GOLGA4: variants seen among roughly 807,000 people sequenced by gnomAD.
The protein encoded by GOLGA4 is golgin subfamily A member 4.
Under a neutral mutation model 265.9 loss-of-function variants are expected in GOLGA4, and 169 were observed. The observed-to-expected ratio is 0.64, with a 90% confidence interval of 0.56 to 0.72. The LOEUF is 0.72. Among genes scored for constraint, GOLGA4 ranks in the 30% least tolerant of loss-of-function variants. The probability of loss-of-function intolerance (pLI) is 0.00; values close to 1 mark genes in which losing one functional copy is unlikely to be tolerated. For synonymous variants in GOLGA4, 923 were observed against 855.8 expected, an observed-to-expected ratio of 1.08 and a Z score of -1.37; for missense variants, 2,482 against 2,483.4, an observed-to-expected ratio of 1.00 and a Z score of 0.01.
intron 11 of GOLGA4, among the ~76,000 whole-genome samples, chr3:37,318,808 C>T (rs2096945452): frequency 6.6e-6 from 1 of 151,748 alleles, no homozygotes; most frequent in Non-Finnish European, 1.5e-5. Context: ...AACATCCCTG[C>T]AAGATGTGGA....
intron 9 of GOLGA4, 47 bp downstream of exon 9, chr3:37,299,418 A>T (rs932735288): frequency 8.7e-7 from 1 of 1,148,224 alleles, no homozygotes; most frequent in East Asian, 2.4e-5. Flanking sequence ...AGAGGCCCCA[A>T]CATTTACTTT....
chr3:37,307,583 A>G (rs764842076), intron 10 of GOLGA4, among the ~76,000 whole-genome samples: 37 of 151,888 alleles, frequency 2.4e-4, no homozygotes, highest in Admixed American at 4.6e-4. Flanking sequence ...TTTTCTTATC[A>G]TGGGTACTTA....
Position 37,337,696 on chromosome 3 carries a change from A to G in GOLGA4, c.6358A>G (p.Ser2120Gly), listed in dbSNP as rs769548341. ...TQLAQKTTLISDSKLKEQEFR... is the reference protein window; with the variant it reads ...TQLAQKTTLIGDSKLKEQEFR... ...GCTAGCACAGAAGACGACTTTAATC[A>G]GTGATTCGAAATTGAAAGAGCAAGA... The change falls in exon 19 of 24, where the codon AGT becomes GGT. Residue 2120 changes from serine (S) to glycine (G), a missense_variant. Coordinates refer to ENST00000361924, the MANE Select transcript of GOLGA4 (RefSeq NM_002078.5). The G allele has an allele frequency of 1.9e-6, 3 of 1,611,908 alleles. No individual in the cohort carries two copies. In the African/African-American group the frequency reaches 4.0e-5, roughly 22 times the overall value.
chr3:37,337,117 CAT>C (rs770619507), intron 17 of GOLGA4, 24 bp from the exon 18 acceptor site: 11 of 1,335,724 alleles, frequency 8.2e-6, no homozygotes, highest in Non-Finnish European at 1.1e-5. Flanking sequence ...TGTATACACT[CAT>C]GTTTTTTCTT....
At chr3:37,343,026 A>G (rs1364640311) in intron 20 of GOLGA4, among the ~76,000 whole-genome samples, 2 of 152,106 alleles carry the variant, frequency 1.3e-5, no homozygotes, top group Admixed American at 6.5e-5. Flanking sequence ...CAGTTTCCCA[A>G]CTAGCTGGGA....
chr3:37,321,501 T>A, intron 12 of GOLGA4: 1 of 406,380 alleles, frequency 2.5e-6, no homozygotes, highest in Non-Finnish European at 4.4e-6. Flanking sequence ...CATAGTGGGG[T>A]TATTGGAACA....
intron 23 of GOLGA4, among the ~76,000 whole-genome samples, chr3:37,362,239 TA>T (rs1212403724): frequency 1.9e-4 from 25 of 129,910 alleles, no homozygotes; most frequent in African/African-American, 6.2e-4. Flanking sequence ...ATTTATTTAT[TA>T]TTTTTTTTTT....
intron 2 of GOLGA4, among the ~76,000 whole-genome samples, chr3:37,252,647 T>C (rs1184211543): frequency 6.6e-6 from 1 of 152,068 alleles, no homozygotes; most frequent in Non-Finnish European, 1.5e-5. Flanking sequence ...TGTGTAAATA[T>C]GCTGGAAAAC....
chr3:37,351,957 T>A (rs2097075988), intron 21 of GOLGA4, among the ~76,000 whole-genome samples: 1 of 152,098 alleles, frequency 6.6e-6, no homozygotes, highest in African/African-American at 2.4e-5. Context: ...AGCCTATGTA[T>A]TAAAGCTTTG....
At chr3:37,263,773 CT>C (rs1474925943) in intron 2 of GOLGA4, among the ~76,000 whole-genome samples, 1 of 152,180 alleles carries the variant, frequency 6.6e-6, no homozygotes, top group Admixed American at 6.5e-5. Context: ...TTCAAATAGT[CT>C]TCATGAATGT....
At chr3:37,307,054 G>A (rs1443077569) in intron 10 of GOLGA4, among the ~76,000 whole-genome samples, 2 of 152,076 alleles carry the variant, frequency 1.3e-5, no homozygotes, top group African/African-American at 4.8e-5. Flanking sequence ...CTACAATTAT[G>A]CAACATGAAT....
chr3:37,260,541 C>T (rs917694215), intron 2 of GOLGA4, among the ~76,000 whole-genome samples: 1 of 151,512 alleles, frequency 6.6e-6, no homozygotes, highest in South Asian at 2.1e-4. Context: ...GAGGCTGAGG[C>T]GGGAGAATCG....
rs150780895 is a variant in GOLGA4, at chr3:37,327,172, A to G, written c.5286A>G (p.Thr1762=). ...GGGTAGGGCAGGAAAAAGAAGAGAC[A>G]GTTTCTTCTCATTTTGAAATGCGAT... ...LQRVGQEKEE[T]VSSHFEMRCQ... is the part of the protein sequence containing the mutation. The change falls in exon 14 of 24, where the codon ACA becomes ACG. Residue 1762 remains threonine, a synonymous_variant. Coordinates refer to ENST00000361924, the MANE Select transcript of GOLGA4 (RefSeq NM_002078.5). 58 of 1,613,736 alleles carry G rather than the reference A, an allele frequency of 3.6e-5. No homozygotes were observed. Among genetic ancestry groups the G allele is most frequent in the Non-Finnish European group, 4.7e-5 (56 of 1,179,834 alleles).
intron 16 of GOLGA4, among the ~76,000 whole-genome samples, chr3:37,332,451 G>A (rs1233951294): frequency 6.6e-6 from 1 of 152,160 alleles, no homozygotes; most frequent in Non-Finnish European, 1.5e-5. Context: ...ATGCTGCACT[G>A]AGCTATGAAC....
Position 37,319,092 on chromosome 3 carries a change from A to C in GOLGA4, c.1443A>C (p.Leu481=). The C allele has an allele frequency of 6.2e-7, 1 of 1,608,718 alleles. No homozygotes were observed. Among genetic ancestry groups the C allele is most frequent in the Middle Eastern group, 1.7e-4 (1 of 6,040 alleles). The change falls in exon 12 of 24, where the codon CTA becomes CTC. Residue 481 remains leucine, a synonymous_variant. Coordinates refer to ENST00000361924, the MANE Select transcript of GOLGA4 (RefSeq NM_002078.5). ...CCTCAGAAGAACAAATTGCTAAGCT[A>C]CAGAAGCTTCATGAAAAGGAGCTGG... ...KKSSEEQIAK[L]QKLHEKELAR... is the part of the protein sequence containing the mutation.
intron 2 of GOLGA4, among the ~76,000 whole-genome samples, chr3:37,255,385 A>G (rs1205996428): frequency 6.6e-6 from 1 of 151,866 alleles, no homozygotes; most frequent in Non-Finnish European, 1.5e-5. Context: ...CTGGTCTTGA[A>G]CTCCCGACCT....
chr3:37,261,925 G>C (rs1452724506), intron 2 of GOLGA4, among the ~76,000 whole-genome samples: 1 of 152,084 alleles, frequency 6.6e-6, no homozygotes, highest in Admixed American at 6.5e-5. Flanking sequence ...TGGATAAGGA[G>C]GGATGAGCAC....
Position 37,327,397 on chromosome 3 carries a change from C to A in GOLGA4, c.5511C>A (p.Asp1837Glu). 2 of 1,613,802 alleles carry A rather than the reference C, an allele frequency of 1.2e-6. No homozygotes were observed. Among genetic ancestry groups the A allele is most frequent in the South Asian group, 2.2e-5 (2 of 91,056 alleles). The change falls in exon 14 of 24, where the codon GAC becomes GAA. Residue 1837 changes from aspartate (D) to glutamate (E), a missense_variant. Coordinates refer to ENST00000361924, the MANE Select transcript of GOLGA4 (RefSeq NM_002078.5). ...AAAACTTGGAAAATGTGTTTGACGA[C>A]GTCCAGAAAACCCTCCAGGAGAAGG... The part of the protein sequence containing the change: ...AKQNLENVFD[D>E]VQKTLQEKEL...
intron 2 of GOLGA4, chr3:37,276,683 C>T: frequency 7.9e-7 from 1 of 1,258,508 alleles, no homozygotes; most frequent in Non-Finnish European, 1.1e-6. Context: ...ACTAGTTTTC[C>T]TGCAAATCAA....
Sources: gnomAD v4.1 joint callset for allele counts (sites outside exome capture counted in the v4.1 genomes callset) on GRCh38, gnomAD v4.1.1 for gene constraint, MANE v1.5 for transcripts, NCBI Gene and HGNC (gene_info 2026-07-23, HGNC 2026-07-21) for gene names.